Variants in NEK11 observed in about 807,000 individuals in gnomAD.
NEK11 encodes serine/threonine-protein kinase Nek11.
In NEK11, 72 loss-of-function variants were observed where a neutral mutation model predicts 80.7. The ratio of observed to expected loss-of-function variants is 0.89; its 90% CI spans 0.74 to 1.08. The LOEUF (loss-of-function observed/expected upper bound fraction) is 1.08. Among genes scored for constraint, NEK11 ranks in the 50% least tolerant of loss-of-function variants. The pLI, the probability that NEK11 is intolerant of heterozygous loss-of-function variation, is 0.00. For missense variants in NEK11, 764 were observed against 763.6 expected, an observed-to-expected ratio of 1.00 and a Z score of -0.01; for synonymous variants, 251 against 260.7, an observed-to-expected ratio of 0.96 and a Z score of 0.36.
chr3:131,082,525 A>G (rs908092422), intron 4 of NEK11, among the ~76,000 whole-genome samples: 1 of 152,232 alleles, frequency 6.6e-6, no homozygotes, highest in Non-Finnish European at 1.5e-5. Context: ...GTCGCTAGTC[A>G]TATACATGGC....
At chr3:131,259,533 G>A (rs1181841489) in intron 16 of NEK11, among the ~76,000 whole-genome samples, 1 of 152,138 alleles carries the variant, frequency 6.6e-6, no homozygotes, top group African/African-American at 2.4e-5. Context: ...GAGTAGGCAG[G>A]ACTTTTATGC....
At chr3:131,145,896 C>A (rs748672972) in intron 7 of NEK11, among the ~76,000 whole-genome samples, 2 of 152,098 alleles carry the variant, frequency 1.3e-5, no homozygotes, top group Non-Finnish European at 2.9e-5. Context: ...ATGAAAGGAA[C>A]ATAGAAGAGG....
At chr3:131,046,431 G>A (rs2067401485) in intron 3 of NEK11, among the ~76,000 whole-genome samples, 1 of 152,052 alleles carries the variant, frequency 6.6e-6, no homozygotes, top group African/African-American at 2.4e-5. Flanking sequence ...CTAAAGATAG[G>A]GTCCCAGTCC....
At chr3:131,170,194 A>C (rs917853476) in intron 13 of NEK11, among the ~76,000 whole-genome samples, 1 of 152,192 alleles carries the variant, frequency 6.6e-6, no homozygotes, top group Non-Finnish European at 1.5e-5. Context: ...CACACACACA[A>C]AACTAAGGGA....
At chr3:131,104,961 C>T (rs1184445187) in intron 4 of NEK11, among the ~76,000 whole-genome samples, 1 of 152,222 alleles carries the variant, frequency 6.6e-6, no homozygotes, top group East Asian at 1.9e-4. Context: ...CCTGGGTGGG[C>T]AGCTGTCCTA....
At chr3:131,095,671 A>G (rs888092314) in intron 4 of NEK11, among the ~76,000 whole-genome samples, 1 of 152,212 alleles carries the variant, frequency 6.6e-6, no homozygotes, top group Non-Finnish European at 1.5e-5. Flanking sequence ...AGCAACACTT[A>G]TTATTTGACA....
At chr3:131,069,883 C>T (rs888460886) in intron 3 of NEK11, among the ~76,000 whole-genome samples, 3 of 150,714 alleles carry the variant, frequency 2.0e-5, no homozygotes, top group Non-Finnish European at 2.9e-5. Context: ...TGCTAGATGA[C>T]GAGTTAGTGG....
chr3:131,232,912 T>G (rs561741927), intron 15 of NEK11, among the ~76,000 whole-genome samples: 1 of 151,518 alleles, frequency 6.6e-6, no homozygotes, highest in South Asian at 2.1e-4. Flanking sequence ...GAGACAGAAT[T>G]AGAAATAAAA....
At chr3:131,197,858 T>C (rs528927574) in intron 14 of NEK11, among the ~76,000 whole-genome samples, 52 of 152,152 alleles carry the variant, frequency 3.4e-4, no homozygotes, top group Non-Finnish European at 5.9e-4. Flanking sequence ...CTTGCAGCTC[T>C]TTTGACTTCA....
rs761293240 is a variant in NEK11 at position 131,174,100 on chromosome 3, A to G, written c.1399+3213A>G. Among the ~76,000 whole-genome samples the G allele has an allele frequency of 2.6e-5, 4 of 152,238 alleles. No individual in the cohort carries two copies. In the East Asian group the frequency reaches 7.7e-4, roughly 29 times the overall value. ...AAAAAATAAACTTAGAACTATGAAA[A>G]TACAGCCTTGATAGGCATTTAGGTC... On this transcript the variant is annotated intron_variant, in intron 14 of 17. Coordinates refer to ENST00000383366, the MANE Select transcript of NEK11 (RefSeq NM_024800.5).
intron 3 of NEK11, among the ~76,000 whole-genome samples, chr3:131,066,977 G>T (rs2072142867): frequency 6.6e-6 from 1 of 152,100 alleles, no homozygotes; most frequent in African/African-American, 2.4e-5. Context: ...ATTTCAAGAG[G>T]ATTTTAATAG....
chr3:131,284,408 C>T (rs1357843970), intron 17 of NEK11, among the ~76,000 whole-genome samples: 3 of 152,142 alleles, frequency 2.0e-5, no homozygotes, highest in Non-Finnish European at 4.4e-5. Flanking sequence ...ATGATCTCAT[C>T]CTCTGGGCTT....
intron 3 of NEK11, among the ~76,000 whole-genome samples, chr3:131,052,130 T>A (rs945872475): frequency 4.1e-5 from 2 of 48,586 alleles, no homozygotes; most frequent in African/African-American, 1.4e-4. Flanking sequence ...TTCTGGTTTT[T>A]TTTGTTTTTT....
At chr3:131,328,924 T>C (rs908353533) in intron 17 of NEK11, 7 of 151,182 alleles carry the variant, frequency 4.6e-5, no homozygotes, top group African/African-American at 1.5e-4. Context: ...GACTCTGGAG[T>C]CGTCCTCAGA....
At chr3:131,158,177 T>A (rs1201750149) in intron 10 of NEK11, among the ~76,000 whole-genome samples, 1 of 151,674 alleles carries the variant, frequency 6.6e-6, no homozygotes, top group Non-Finnish European at 1.5e-5. Flanking sequence ...GTCTTGGGGG[T>A]CTACATCATA....
rs151315117 is a variant in NEK11, at chr3:131,044,010, A to G, written c.170+14132A>G. Among the ~76,000 whole-genome samples, 531 of 152,296 alleles carry G rather than the reference A, an allele frequency of 3.5e-3. 1 individual carries two copies. The highest frequency in any genetic ancestry group is 0.012 in the African/African-American group (505 of 41,546). On this transcript the variant is annotated intron_variant, in intron 3 of 17. Coordinates refer to ENST00000383366, the MANE Select transcript of NEK11 (RefSeq NM_024800.5). ...CAACCCAGAATTCCATATCCAGCCA[A>G]ACTAAGCTTCAAAAATGAAGGAGAA... is the stretch of plus-strand genomic sequence containing the variant.
At chr3:131,043,250 T>C (rs1244531086) in intron 3 of NEK11, among the ~76,000 whole-genome samples, 1 of 152,128 alleles carries the variant, frequency 6.6e-6, no homozygotes, top group Non-Finnish European at 1.5e-5. Flanking sequence ...CAAAACTGGA[T>C]GGAGAATGAG....
At chr3:131,230,180 A>G (rs1274025792) in intron 15 of NEK11, among the ~76,000 whole-genome samples, 1 of 152,168 alleles carries the variant, frequency 6.6e-6, no homozygotes, top group Non-Finnish European at 1.5e-5. Flanking sequence ...ATGTTTTTTA[A>G]GAAAATAAAA....
intron 14 of NEK11, among the ~76,000 whole-genome samples, chr3:131,203,876 C>T (rs1431905683): frequency 6.9e-6 from 1 of 145,372 alleles, no homozygotes; most frequent in Non-Finnish European, 1.5e-5. Flanking sequence ...GCCCTTGTTT[C>T]AGTAAACAGA....
Sources: gnomAD v4.1 joint callset for allele counts (sites outside exome capture counted in the v4.1 genomes callset) on GRCh38, gnomAD v4.1.1 for gene constraint, MANE v1.5 for transcripts, NCBI Gene and HGNC (gene_info 2026-07-23, HGNC 2026-07-21) for gene names.